Variants in MYO16 observed in about 807,000 individuals in gnomAD.
The protein encoded by MYO16 is myosin XVI.
Under a neutral mutation model 205.3 loss-of-function variants are expected in MYO16, and 94 were observed. The ratio of observed to expected loss-of-function variants is 0.46; its 90% CI spans 0.39 to 0.54. The LOEUF is 0.54. Among genes scored for constraint, MYO16 ranks in the 20% least tolerant of loss-of-function variants. The probability of loss-of-function intolerance (pLI) is 0.00; values close to 1 mark genes in which losing one functional copy is unlikely to be tolerated. For missense variants in MYO16, 2,315 were observed against 2,387.5 expected (o/e 0.97, Z 0.63); for synonymous variants, 988 against 954.0 (o/e 1.04, Z -0.66).
intron 3 of MYO16, among the ~76,000 whole-genome samples, chr13:108,712,996 A>T (rs1203437104): frequency 6.6e-6 from 1 of 152,218 alleles, no homozygotes; most frequent in Non-Finnish European, 1.5e-5. Context: ...TGTATCAATT[A>T]TACAGTATTA....
intron 2 of MYO16, among the ~76,000 whole-genome samples, chr13:108,691,291 A>C (rs1056059928): frequency 1.3e-5 from 2 of 152,088 alleles, no homozygotes; most frequent in Non-Finnish European, 2.9e-5. Flanking sequence ...TTTGTGAGCA[A>C]TCTGCCAGGT....
chr13:108,986,062 G>A (rs925626710), intron 20 of MYO16, among the ~76,000 whole-genome samples: 2 of 152,182 alleles, frequency 1.3e-5, no homozygotes, highest in Non-Finnish European at 2.9e-5. Flanking sequence ...AGGCAAGAGA[G>A]CGTGTGCAAA....
At chr13:108,714,207 C>T (rs1240935627) in intron 3 of MYO16, among the ~76,000 whole-genome samples, 1 of 152,122 alleles carries the variant, frequency 6.6e-6, no homozygotes. Context: ...AGGCACCCGC[C>T]ATCACGCCCA....
At chr13:108,804,484 C>A (rs576439633) in intron 6 of MYO16, among the ~76,000 whole-genome samples, 1 of 152,214 alleles carries the variant, frequency 6.6e-6, no homozygotes, top group South Asian at 2.1e-4. Flanking sequence ...GTATAAATTC[C>A]ATTTCATAAA....
At chr13:108,593,131 G>C (rs1878448583), upstream of MYO16, among the ~76,000 whole-genome samples, 2 of 152,232 alleles carry the variant, frequency 1.3e-5, no homozygotes, top group South Asian at 4.2e-4. Flanking sequence ...TCTTGAAAGC[G>C]ATGAGTAAAT....
chr13:109,063,850 G>C (rs183921500), intron 27 of MYO16, among the ~76,000 whole-genome samples: 2 of 152,124 alleles, frequency 1.3e-5, no homozygotes, highest in Admixed American at 1.3e-4. Flanking sequence ...TTGAGGCATC[G>C]TATGTGTCAA....
intron 31 of MYO16, among the ~76,000 whole-genome samples, chr13:109,130,402 A>G (rs1287412442): frequency 1.3e-5 from 2 of 152,232 alleles, no homozygotes; most frequent in Non-Finnish European, 2.9e-5. Flanking sequence ...CATGCTGGTT[A>G]CTTTACAACC....
intron 27 of MYO16, among the ~76,000 whole-genome samples, chr13:109,099,957 C>A (rs892864238): frequency 6.6e-6 from 1 of 152,170 alleles, no homozygotes; most frequent in African/African-American, 2.4e-5. Flanking sequence ...TTTGGCATTG[C>A]GTTTCCTTCG....
chr13:109,105,590 A>G (rs1291415950), intron 28 of MYO16, among the ~76,000 whole-genome samples: 1 of 152,232 alleles, frequency 6.6e-6, no homozygotes, highest in Non-Finnish European at 1.5e-5. Flanking sequence ...CATTAATTCT[A>G]TAATTAAAAA....
intron 6 of MYO16, among the ~76,000 whole-genome samples, chr13:108,794,009 A>G (rs1886705334): frequency 6.6e-6 from 1 of 152,238 alleles, no homozygotes; most frequent in Non-Finnish European, 1.5e-5. Context: ...TGAAAAGAAC[A>G]AAACCATGTC....
chr13:108,532,086 A>G, the MYO16 span, among the ~76,000 whole-genome samples: 1 of 152,046 alleles, frequency 6.6e-6, no homozygotes, highest in Non-Finnish European at 1.5e-5. Flanking sequence ...CACACCTGTA[A>G]TCCCAGCTAC....
chr13:108,948,407 T>C (rs563900515), intron 16 of MYO16, among the ~76,000 whole-genome samples: 2 of 152,358 alleles, frequency 1.3e-5, no homozygotes, highest in African/African-American at 2.4e-5. Context: ...AGTTTGTCTT[T>C]AAGTAGTAAC....
chr13:108,725,608 C>T (rs1004922013), intron 3 of MYO16, among the ~76,000 whole-genome samples: 1 of 152,212 alleles, frequency 6.6e-6, no homozygotes, highest in South Asian at 2.1e-4. Context: ...GAACAGGCAC[C>T]GTTTCTTGCA....
intron 21 of MYO16, among the ~76,000 whole-genome samples, chr13:108,993,290 GAAGACTCTATAGTGA>G (rs749666058): frequency 2.6e-4 from 39 of 152,144 alleles, no homozygotes; most frequent in Non-Finnish European, 5.4e-4. Flanking sequence ...TGGCCAAGAT[GAAGACTCTATAGTGA>G]ACTTTGGTTT....
At chr13:108,864,809 A>C (rs1025754195) in intron 11 of MYO16, among the ~76,000 whole-genome samples, 1 of 152,254 alleles carries the variant, frequency 6.6e-6, no homozygotes, top group Admixed American at 6.5e-5. Flanking sequence ...AAGTGCTGGG[A>C]TTATAGGCCT....
chr13:108,703,628 C>T, intron 2 of MYO16, among the ~76,000 whole-genome samples: 1 of 152,102 alleles, frequency 6.6e-6, no homozygotes, highest in Non-Finnish European at 1.5e-5. Context: ...ATGAAACATT[C>T]TCCAGGACAG....
rs1332738297 is a variant in MYO16 at position 109,055,939 on chromosome 13, C to T, written c.3335+344C>T. ...AGAATGTATGTAAGTGATTATTTCC[C>T]CTTTTATATATGAACAAAATATTAT... On this transcript the variant is annotated intron_variant, in intron 27 of 34. Coordinates refer to ENST00000457511, the MANE Select transcript of MYO16 (RefSeq NM_001198950.3). The surrounding 1 kb of genome is among the most constrained non-coding windows in gnomAD (Gnocchi z 5.0). The T allele has an allele frequency of 1.7e-5, 3 of 173,004 alleles. No homozygotes were observed. The highest frequency in any genetic ancestry group is 3.7e-5 in the Non-Finnish European group (3 of 80,654). The allele number at this position is 173,004 out of a possible 1,614,324, so 10.7% of individuals were successfully genotyped here.
intron 20 of MYO16, among the ~76,000 whole-genome samples, chr13:108,972,370 A>ATATATATATATG (rs1566439895): frequency 2.4e-5 from 1 of 42,258 alleles, no homozygotes; most frequent in African/African-American, 1.3e-4. Flanking sequence ...ATATATATAT[A>ATATATATATATG]TATATATATA....
At chr13:108,900,717 G>A (rs895045246) in intron 15 of MYO16, among the ~76,000 whole-genome samples, 102 of 152,180 alleles carry the variant, frequency 6.7e-4, no homozygotes, top group African/African-American at 2.3e-3. Flanking sequence ...TTAACTGTAC[G>A]AATTGTTTGT....
Sources: gnomAD v4.1 joint callset for allele counts (sites outside exome capture counted in the v4.1 genomes callset) on GRCh38, gnomAD v4.1.1 for gene constraint, Gnocchi (gnomAD v3.1) non-coding constraint, MANE v1.5 for transcripts, NCBI Gene and HGNC (gene_info 2026-07-23, HGNC 2026-07-21) for gene names.